ATRNL1: variants seen among roughly 807,000 people sequenced by gnomAD.
The protein encoded by ATRNL1 is attractin like 1.
ATRNL1 carries 95 observed loss-of-function variants against 182.7 expected under a neutral mutation model. That is an observed-to-expected ratio of 0.52 (90% CI 0.44 to 0.62). The LOEUF (loss-of-function observed/expected upper bound fraction) is 0.62. Among genes scored for constraint, ATRNL1 ranks in the 20% least tolerant of loss-of-function variants. The pLI, the probability that ATRNL1 is intolerant of heterozygous loss-of-function variation, is 0.00. For missense variants in ATRNL1, 1,471 were observed against 1,679.5 expected (o/e 0.88, Z 2.17); for synonymous variants, 576 against 568.3 (o/e 1.01, Z -0.19).
intron 15 of ATRNL1, among the ~76,000 whole-genome samples, chr10:115,291,954 G>C (rs1347251184): frequency 6.7e-6 from 1 of 149,802 alleles, no homozygotes; most frequent in African/African-American, 2.4e-5. Flanking sequence ...TTTTTGAAAG[G>C]TTTGGTAGAA....
intron 21 of ATRNL1, among the ~76,000 whole-genome samples, chr10:115,435,603 T>C (rs1846370098): frequency 1.3e-5 from 2 of 152,312 alleles, no homozygotes; most frequent in East Asian, 1.9e-4. Context: ...TGTATGTCTT[T>C]AATGACTTAA....
At chr10:115,151,578 T>C (rs1234719624) in intron 5 of ATRNL1, among the ~76,000 whole-genome samples, 1 of 152,224 alleles carries the variant, frequency 6.6e-6, no homozygotes, top group East Asian at 1.9e-4. Context: ...TGTTTTTTTC[T>C]TGTAAATTTG....
At chr10:115,631,486 A>G (rs1315389185) in intron 26 of ATRNL1, among the ~76,000 whole-genome samples, 1 of 152,140 alleles carries the variant, frequency 6.6e-6, no homozygotes, top group Non-Finnish European at 1.5e-5. Flanking sequence ...AATGTATGCT[A>G]TCATATGTAA....
At chr10:115,785,562 A>C in intron 27 of ATRNL1, among the ~76,000 whole-genome samples, 1 of 152,244 alleles carries the variant, frequency 6.6e-6, no homozygotes, top group Admixed American at 6.5e-5. Context: ...TTTTCTAGAT[A>C]ATCTCTTGTC....
chr10:115,673,355 A>AT (rs1356817207), intron 26 of ATRNL1, among the ~76,000 whole-genome samples: 2 of 152,048 alleles, frequency 1.3e-5, no homozygotes, highest in African/African-American at 4.8e-5. Flanking sequence ...TCTACCATTG[A>AT]TAGGCAACTG....
At chr10:115,677,302 G>C (rs1199483159) in intron 26 of ATRNL1, among the ~76,000 whole-genome samples, 1 of 151,996 alleles carries the variant, frequency 6.6e-6, no homozygotes, top group Admixed American at 6.6e-5. Context: ...CTAACACTTT[G>C]ACAGGTTTGA....
intron 5 of ATRNL1, among the ~76,000 whole-genome samples, chr10:115,148,760 T>C (rs1446554326): frequency 1.3e-5 from 2 of 150,130 alleles, no homozygotes; most frequent in Admixed American, 6.6e-5. Flanking sequence ...TTTTTTTTTT[T>C]TTTTTCTTTC....
intron 15 of ATRNL1, among the ~76,000 whole-genome samples, chr10:115,299,240 GAA>G (rs1853355823): frequency 6.6e-6 from 1 of 151,660 alleles, no homozygotes; most frequent in Non-Finnish European, 1.5e-5. Context: ...CTTGGATCAT[GAA>G]TATATCATTT....
intron 20 of ATRNL1, among the ~76,000 whole-genome samples, chr10:115,398,415 C>G (rs1844392335): frequency 6.6e-6 from 1 of 151,720 alleles, no homozygotes; most frequent in East Asian, 1.9e-4. Context: ...TTTAGTTTTC[C>G]TTGTAGAGAT....
At chr10:115,177,895 G>GTTTTTT (rs1451534197) in intron 8 of ATRNL1, among the ~76,000 whole-genome samples, 1 of 96,554 alleles carries the variant, frequency 1.0e-5, no homozygotes, top group Non-Finnish European at 2.3e-5. Flanking sequence ...TTTTGGTTTT[G>GTTTTTT]TTTTTTTGTT....
intron 20 of ATRNL1, among the ~76,000 whole-genome samples, chr10:115,414,921 T>C (rs1845317144): frequency 6.6e-6 from 1 of 152,068 alleles, no homozygotes; most frequent in South Asian, 2.1e-4. Flanking sequence ...TATGCATATG[T>C]ACCATAGGTT....
At chr10:115,624,245 T>C (rs1857953141) in intron 26 of ATRNL1, among the ~76,000 whole-genome samples, 1 of 151,944 alleles carries the variant, frequency 6.6e-6, no homozygotes. Context: ...GTACAATATA[T>C]ATAATATGAT....
chr10:115,547,796 G>A (rs1274479427), intron 25 of ATRNL1, among the ~76,000 whole-genome samples: 1 of 152,166 alleles, frequency 6.6e-6, no homozygotes, highest in Non-Finnish European at 1.5e-5. Flanking sequence ...GAAAGCACCA[G>A]TTTATACAAT....
At chr10:115,495,753 A>G (rs1338276017) in intron 24 of ATRNL1, among the ~76,000 whole-genome samples, 2 of 152,044 alleles carry the variant, frequency 1.3e-5, no homozygotes, top group South Asian at 2.1e-4. Flanking sequence ...TGTGTGGTCA[A>G]TATCAGAGTA....
intron 26 of ATRNL1, among the ~76,000 whole-genome samples, chr10:115,655,694 G>A (rs12252981): frequency 0.012 from 1,783 of 152,106 alleles, 36 homozygotes; most frequent in African/African-American, 0.041. Flanking sequence ...ATATATTAAT[G>A]AATAAAACTT....
intron 26 of ATRNL1, among the ~76,000 whole-genome samples, chr10:115,624,341 T>G (rs767822708): frequency 6.6e-6 from 1 of 152,134 alleles, no homozygotes; most frequent in Non-Finnish European, 1.5e-5. Context: ...TAAACAGTAT[T>G]TTATTAAAGT....
At chr10:115,276,655 A>G (rs1257328130) in intron 13 of ATRNL1, among the ~76,000 whole-genome samples, 1 of 152,232 alleles carries the variant, frequency 6.6e-6, no homozygotes, top group African/African-American at 2.4e-5. Context: ...CCTATTTCAT[A>G]TAGGTCAAAC....
At chr10:115,768,310 C>T (rs1242297662) in intron 27 of ATRNL1, among the ~76,000 whole-genome samples, 1 of 152,058 alleles carries the variant, frequency 6.6e-6, no homozygotes, top group Non-Finnish European at 1.5e-5. Flanking sequence ...ACTATATAGT[C>T]TCTCTGCTGT....
intron 19 of ATRNL1, among the ~76,000 whole-genome samples, chr10:115,350,981 C>T (rs1554941135): frequency 6.6e-6 from 1 of 151,968 alleles, no homozygotes; most frequent in Non-Finnish European, 1.5e-5. Context: ...AGAGCTTTTA[C>T]TACTTTGATT....
Sources: allele counts gnomAD v4.1 joint callset (sites outside exome capture counted in the v4.1 genomes callset), GRCh38; gene constraint gnomAD v4.1.1; transcripts MANE v1.5; gene names NCBI Gene and HGNC (gene_info 2026-07-23, HGNC 2026-07-21).